Variants in NOX4 observed in about 807,000 individuals in gnomAD.
The protein encoded by NOX4 is kidney oxidase-1.
NOX4 carries 69 observed loss-of-function variants against 87.6 expected under a neutral mutation model. The ratio of observed to expected loss-of-function variants is 0.79; its 90% CI spans 0.65 to 0.96. The LOEUF (loss-of-function observed/expected upper bound fraction) is 0.96, where lower values mean the gene tolerates loss of function less well. Ranked by LOEUF, NOX4 falls within the 40% of genes least tolerant of loss-of-function variation. NOX4 has a pLI of 0.00. For missense variants in NOX4, 680 were observed against 681.5 expected, an observed-to-expected ratio of 1.00 and a Z score of 0.02; for synonymous variants, 275 against 238.2, an observed-to-expected ratio of 1.15 and a Z score of -1.42.
intron 6 of NOX4, among the ~76,000 whole-genome samples, chr11:89,435,339 T>C (rs768709104): frequency 9.2e-5 from 14 of 152,082 alleles, no homozygotes; most frequent in Non-Finnish European, 1.6e-4. Flanking sequence ...CTTTCCTATA[T>C]AGTTTTGAAC....
chr11:89,360,351 C>T (rs920523948), intron 12 of NOX4, among the ~76,000 whole-genome samples: 4 of 152,080 alleles, frequency 2.6e-5, no homozygotes, highest in Admixed American at 2.6e-4. Context: ...ATTCTTACCA[C>T]ACACAACAAA....
intron 14 of NOX4, among the ~76,000 whole-genome samples, chr11:89,341,124 C>CTTTTT (rs994563200): frequency 8.1e-6 from 1 of 123,956 alleles, no homozygotes; most frequent in African/African-American, 3.2e-5. Context: ...ACAATTTCAC[C>CTTTTT]TTTTTTTTTT....
chr11:89,403,778 A>G (rs1304075132), intron 8 of NOX4, among the ~76,000 whole-genome samples: 1 of 152,138 alleles, frequency 6.6e-6, no homozygotes, highest in East Asian at 1.9e-4. Context: ...ATGCTTTTAC[A>G]AAAATAATAT....
intron 2 of NOX4, 40 bp from the exon 3 acceptor site, chr11:89,451,935 G>GGGCTT: frequency 7.3e-7 from 1 of 1,375,046 alleles, no homozygotes. Flanking sequence ...GTTAAGGACA[G>GGGCTT]TAGTAAAGCC....
At chr11:89,507,033 G>T in the NOX4 span, among the ~76,000 whole-genome samples, 1 of 152,030 alleles carries the variant, frequency 6.6e-6, no homozygotes, top group Admixed American at 6.6e-5. Context: ...CTGGGTGAAA[G>T]AAATCAGACA....
intron 2 of NOX4, among the ~76,000 whole-genome samples, chr11:89,484,953 G>A (rs1946533288): frequency 6.6e-6 from 1 of 152,042 alleles, no homozygotes; most frequent in East Asian, 1.9e-4. Flanking sequence ...GAAAGTAACA[G>A]GGATCATATA....
chr11:89,557,034 T>C, the NOX4 span: 1 of 152,188 alleles, frequency 6.6e-6, no homozygotes, highest in African/African-American at 2.4e-5. Context: ...TATGGAGTAA[T>C]GACTTGCTTA....
At chr11:89,329,356 G>GAAAAAAAAAAAAAA (rs377055666) in intron 17 of NOX4, among the ~76,000 whole-genome samples, 69 of 34,620 alleles carry the variant, frequency 2.0e-3, no homozygotes, top group South Asian at 5.6e-3. Context: ...GAAAAAAACT[G>GAAAAAAAAAAAAAA]AAAAAAAAAA....
intron 2 of NOX4, among the ~76,000 whole-genome samples, chr11:89,486,284 T>A (rs1308110771): frequency 2.7e-5 from 4 of 148,298 alleles, no homozygotes; most frequent in Non-Finnish European, 5.9e-5. Context: ...AATAAATAAA[T>A]AAATAAATTT....
At chr11:89,408,184 A>AT (rs771122949) in intron 8 of NOX4, among the ~76,000 whole-genome samples, 1 of 152,122 alleles carries the variant, frequency 6.6e-6, no homozygotes, top group Non-Finnish European at 1.5e-5. Flanking sequence ...CTCCACTGCT[A>AT]TTTTTCTACT....
At chr11:89,350,508 C>T (rs1372450662) in intron 13 of NOX4, among the ~76,000 whole-genome samples, 3 of 152,052 alleles carry the variant, frequency 2.0e-5, no homozygotes, top group African/African-American at 7.2e-5. Flanking sequence ...ACAATGAGTC[C>T]ATGTTAGTGA....
At chr11:89,490,370 C>A (rs1946801335) in intron 2 of NOX4, 88 bp downstream of exon 2, 5 of 889,306 alleles carry the variant, frequency 5.6e-6, no homozygotes, top group Non-Finnish European at 9.3e-6. Context: ...GTGCACATTT[C>A]TTTAATGAAT....
At chr11:89,398,427 C>T (rs1321135882) in intron 11 of NOX4, among the ~76,000 whole-genome samples, 1 of 151,996 alleles carries the variant, frequency 6.6e-6, no homozygotes, top group Non-Finnish European at 1.5e-5. Flanking sequence ...TGCCCTCTCT[C>T]ACCGCTCCTA....
chr11:89,564,496 A>G, the NOX4 span, among the ~76,000 whole-genome samples: 2 of 152,146 alleles, frequency 1.3e-5, no homozygotes, highest in Admixed American at 6.6e-5. Context: ...CTCCTTCAAC[A>G]TGGGAGATTA....
chr11:89,381,418 G>A (rs1349216951), intron 11 of NOX4, among the ~76,000 whole-genome samples: 1 of 152,116 alleles, frequency 6.6e-6, no homozygotes, highest in Non-Finnish European at 1.5e-5. Flanking sequence ...ATTACCTTGT[G>A]AAATTCCTTC....
rs899588531 is a variant in NOX4 at position 89,421,913 on chromosome 11, C to A, written c.618G>T (p.Leu206Phe). The A allele has an allele frequency of 2.1e-5, 33 of 1,565,526 alleles. No individual in the cohort carries two copies. Among genetic ancestry groups the A allele is most frequent in the Non-Finnish European group, 2.7e-5 (31 of 1,158,840 alleles). ...LFFVFYMLLT[L>F]HVSGGLLKYQ... ...ATTTGTAAACTTACCCTGAAACATG[C>A]AACGTCAGCAGCATGTAGAAGACAA... The change falls in exon 8 of 18, where the codon TTG becomes TTT. Residue 206 changes from leucine to phenylalanine, a missense_variant. By Grantham distance (22) the Leu-to-Phe change is conservative. Coordinates refer to ENST00000263317, the MANE Select transcript of NOX4 (RefSeq NM_016931.5).
chr11:89,336,516 G>A (rs2135375294), intron 16 of NOX4, among the ~76,000 whole-genome samples: 1 of 152,032 alleles, frequency 6.6e-6, no homozygotes, highest in Admixed American at 6.6e-5. Flanking sequence ...CTCCAAAATT[G>A]GGTCTATCAA....
chr11:89,433,132 T>C (rs1943897556), intron 6 of NOX4, among the ~76,000 whole-genome samples: 1 of 152,106 alleles, frequency 6.6e-6, no homozygotes, highest in African/African-American at 2.4e-5. Context: ...GTAATTAGCA[T>C]ATCCATCCAT....
chr11:89,337,859 G>C (rs1305015070), intron 15 of NOX4, among the ~76,000 whole-genome samples: 2 of 151,822 alleles, frequency 1.3e-5, no homozygotes, highest in Non-Finnish European at 1.5e-5. Context: ...TCTCAAAATT[G>C]TACCAGTTTA....
Sources: allele counts gnomAD v4.1 joint callset (sites outside exome capture counted in the v4.1 genomes callset), GRCh38; gene constraint gnomAD v4.1.1; transcripts MANE v1.5; gene names NCBI Gene and HGNC (gene_info 2026-07-23, HGNC 2026-07-21).